The following TBC1D19 variants were observed in gnomAD, a reference collection of about 807,000 sequenced individuals.
TBC1D19 encodes the protein TBC1 domain family member 19.
In TBC1D19, 60 loss-of-function variants were observed where a neutral mutation model predicts 89.0. That is an observed-to-expected ratio of 0.67 (90% CI 0.55 to 0.84). TBC1D19 has a LOEUF of 0.84. Among genes scored for constraint, TBC1D19 ranks in the 40% least tolerant of loss-of-function variants. The probability of loss-of-function intolerance (pLI) is 0.00; values close to 1 mark genes in which losing one functional copy is unlikely to be tolerated. For synonymous variants in TBC1D19, 189 were observed against 199.7 expected, an observed-to-expected ratio of 0.95 and a Z score of 0.45; for missense variants, 500 against 610.8, an observed-to-expected ratio of 0.82 and a Z score of 1.91.
upstream of TBC1D19, among the ~76,000 whole-genome samples, chr4:26,580,838 C>G (rs529729204): frequency 6.6e-6 from 1 of 152,178 alleles, no homozygotes. Flanking sequence ...GTTTTTAATG[C>G]GTTCCACAAC....
intron 15 of TBC1D19, among the ~76,000 whole-genome samples, chr4:26,729,626 G>A (rs1015413727): frequency 2.0e-5 from 3 of 152,242 alleles, no homozygotes; most frequent in Non-Finnish European, 4.4e-5. Flanking sequence ...TCAAACTGTA[G>A]GGATACTGGT....
At chr4:26,800,410 G>A in the TBC1D19 span, among the ~76,000 whole-genome samples, 19 of 152,274 alleles carry the variant, frequency 1.2e-4, no homozygotes, top group African/African-American at 4.3e-4. Context: ...TATCGTTGTT[G>A]GACATTTGGG....
chr4:26,666,295 C>T, intron 8 of TBC1D19, 38 bp from the exon 9 acceptor site: 3 of 1,539,138 alleles, frequency 1.9e-6, no homozygotes, highest in Non-Finnish European at 2.7e-6. Context: ...GCAGCAAAGT[C>T]TGAGATCTAT....
intron 7 of TBC1D19, among the ~76,000 whole-genome samples, chr4:26,655,899 TC>T (rs1257464804): frequency 6.6e-6 from 1 of 152,064 alleles, no homozygotes; most frequent in Non-Finnish European, 1.5e-5. Flanking sequence ...TTTCCGACAA[TC>T]CCCAGTGAGA....
intron 13 of TBC1D19, among the ~76,000 whole-genome samples, chr4:26,711,368 A>G (rs1716175461): frequency 6.6e-6 from 1 of 152,108 alleles, no homozygotes; most frequent in South Asian, 2.1e-4. Flanking sequence ...GAAATTTTCT[A>G]AATTTGGATA....
chr4:26,705,366 T>G (rs1174575416), intron 13 of TBC1D19, among the ~76,000 whole-genome samples: 1 of 152,220 alleles, frequency 6.6e-6, no homozygotes, highest in African/African-American at 2.4e-5. Flanking sequence ...AATCCAATGT[T>G]GTGAAGATTT....
intron 13 of TBC1D19, among the ~76,000 whole-genome samples, chr4:26,706,336 C>T (rs1715736465): frequency 6.6e-6 from 1 of 152,098 alleles, no homozygotes; most frequent in Admixed American, 6.6e-5. Flanking sequence ...ATAGTACTCT[C>T]TTATAATCCT....
At chr4:26,664,757 C>T (rs1711643279) in intron 8 of TBC1D19, among the ~76,000 whole-genome samples, 1 of 151,804 alleles carries the variant, frequency 6.6e-6, no homozygotes, top group Non-Finnish European at 1.5e-5. Flanking sequence ...CGATCATTGT[C>T]CCTCCCCCTG....
intron 19 of TBC1D19, among the ~76,000 whole-genome samples, chr4:26,749,698 C>T (rs1718847465): frequency 6.6e-6 from 1 of 152,070 alleles, no homozygotes; most frequent in Non-Finnish European, 1.5e-5. Flanking sequence ...CCACCCGCCT[C>T]GGCCTCCCAG....
downstream of TBC1D19, among the ~76,000 whole-genome samples, chr4:26,759,635 G>A (rs1025311290): frequency 2.6e-5 from 4 of 151,756 alleles, no homozygotes; most frequent in African/African-American, 4.8e-5. Flanking sequence ...CCCCATACAC[G>A]CATTCACTCC....
intron 4 of TBC1D19, among the ~76,000 whole-genome samples, chr4:26,625,561 T>A (rs1004769949): frequency 2.0e-5 from 3 of 152,196 alleles, no homozygotes; most frequent in Non-Finnish European, 4.4e-5. Context: ...TGTAACCTAA[T>A]GTCCTTGTTC....
chr4:26,687,146 T>A (rs575528319), intron 12 of TBC1D19, among the ~76,000 whole-genome samples: 2 of 152,286 alleles, frequency 1.3e-5, no homozygotes, highest in South Asian at 4.1e-4. Context: ...TCTGGAGATT[T>A]TGGATACATG....
intron 3 of TBC1D19, among the ~76,000 whole-genome samples, chr4:26,615,817 A>T (rs1319013077): frequency 3.9e-5 from 6 of 152,122 alleles, no homozygotes; most frequent in Non-Finnish European, 8.8e-5. Context: ...AGGAATAGAT[A>T]TTTATCATGA....
Position 26,613,086 on chromosome 4 carries a change from G to C in TBC1D19, c.100-83G>C, listed in dbSNP as rs1560417574. ...ACACTCCTTTTTAAACATTTCCTTT[G>C]TTCTAAATATCAACCCAAATGATTT... On this transcript the variant is annotated intron_variant, in intron 1 of 20. Coordinates refer to ENST00000264866, the MANE Select transcript of TBC1D19 (RefSeq NM_018317.4). The C allele has an allele frequency of 1.3e-5, 13 of 1,003,612 alleles. 1 individual carries two copies. Among genetic ancestry groups the C allele is most frequent in the Admixed American group, 6.0e-5 (2 of 33,508 alleles). 62.2% of individuals were successfully genotyped at this position (1,003,612 alleles called of 1,614,324 possible).
chr4:26,586,722 G>T (rs900933386), intron 1 of TBC1D19, among the ~76,000 whole-genome samples: 10 of 152,066 alleles, frequency 6.6e-5, no homozygotes, highest in African/African-American at 2.4e-4. Flanking sequence ...GGTTTTTGAC[G>T]CTATTATAAA....
At chr4:26,714,970 A>C (rs1314384327) in intron 13 of TBC1D19, among the ~76,000 whole-genome samples, 3 of 151,954 alleles carry the variant, frequency 2.0e-5, no homozygotes, top group Admixed American at 2.0e-4. Context: ...GAATGCCTCA[A>C]GTCTCAGTTC....
At chr4:26,607,815 T>C (rs1741106451) in intron 1 of TBC1D19, among the ~76,000 whole-genome samples, 1 of 152,224 alleles carries the variant, frequency 6.6e-6, no homozygotes, top group African/African-American at 2.4e-5. Flanking sequence ...GGACACTTCT[T>C]ACAAATGCAT....
intron 15 of TBC1D19, among the ~76,000 whole-genome samples, chr4:26,732,451 T>C (rs1279359123): frequency 3.9e-5 from 6 of 152,238 alleles, no homozygotes; most frequent in Non-Finnish European, 8.8e-5. Context: ...ATGATTGTTT[T>C]GTCCCTAATC....
Position 26,638,084 on chromosome 4 carries a change from A to T in TBC1D19, c.370-687A>T, listed in dbSNP as rs1250690833. 9.2e-3 allele frequency among the ~76,000 whole-genome samples: 1,398 copies of T among 151,412 alleles called. 21 individuals are homozygous for T. The highest frequency in any genetic ancestry group is 0.032 in the African/African-American group (1,308 of 40,742). ...ATTCTATTTAGATCTAATACTCAAC[A>T]TTTATGTTACTCTGGGCATTGAGGA... On this transcript the variant is annotated intron_variant, in intron 5 of 20. Coordinates refer to ENST00000264866, the MANE Select transcript of TBC1D19 (RefSeq NM_018317.4).
Sources: gnomAD v4.1 joint callset for allele counts (sites outside exome capture counted in the v4.1 genomes callset) on GRCh38, gnomAD v4.1.1 for gene constraint, MANE v1.5 for transcripts, NCBI Gene and HGNC (gene_info 2026-07-23, HGNC 2026-07-21) for gene names.